The following SEMA6D variants were observed in gnomAD, a reference collection of about 807,000 sequenced individuals.
SEMA6D encodes the protein semaphorin-6D.
In SEMA6D, 35 loss-of-function variants were observed where a neutral mutation model predicts 106.6. That is an observed-to-expected ratio of 0.33 (90% CI 0.25 to 0.44). The LOEUF (loss-of-function observed/expected upper bound fraction) is 0.44, where lower values mean the gene tolerates loss of function less well. Ranked by LOEUF, SEMA6D falls within the 20% of genes least tolerant of loss-of-function variation. The probability of loss-of-function intolerance (pLI) is 1.00; values close to 1 mark genes in which losing one functional copy is unlikely to be tolerated. For synonymous variants in SEMA6D, 499 were observed against 487.7 expected (o/e 1.02, Z -0.31); for missense variants, 1,185 against 1,345.9 (o/e 0.88, Z 1.87).
chr15:47,269,409 G>C lies in SEMA6D; in HGVS notation c.-239+84991G>C, dbSNP rs2034460686. Among the ~76,000 whole-genome samples, 3 of 151,012 alleles carry C rather than the reference G, an allele frequency of 2.0e-5. No individual in the cohort carries two copies. The South Asian group carries it at 6.3e-4, about 32-fold the overall frequency. Reference sequence around the variant, plus strand: ...GTTAAAAAATATAGCTCAATGTAAGGTAAAGCAGCTAAACATACTGATTTT... The same window carrying C: ...GTTAAAAAATATAGCTCAATGTAAGCTAAAGCAGCTAAACATACTGATTTT... On this transcript the variant is annotated intron_variant, in intron 1 of 19. Transcript: ENST00000558014.
chr15:47,324,877 G>T (rs2037064802), intron 1 of SEMA6D, among the ~76,000 whole-genome samples: 1 of 151,878 alleles, frequency 6.6e-6, no homozygotes, highest in Non-Finnish European at 1.5e-5. Flanking sequence ...GGACTATATT[G>T]TGAACATCCT....
chr15:47,519,670 C>A (rs1042686713), intron 3 of SEMA6D, among the ~76,000 whole-genome samples: 3 of 152,180 alleles, frequency 2.0e-5, no homozygotes, highest in African/African-American at 7.2e-5. Flanking sequence ...CGGGTCACAT[C>A]CCCTCCCTAA....
chr15:47,681,915 A>C (rs1381077039), intron 4 of SEMA6D, among the ~76,000 whole-genome samples: 1 of 152,232 alleles, frequency 6.6e-6, no homozygotes, highest in Non-Finnish European at 1.5e-5. Flanking sequence ...ATCAGTAATA[A>C]AAATATTTGA....
At chr15:47,307,274 C>T (rs1039620261) in intron 1 of SEMA6D, among the ~76,000 whole-genome samples, 2 of 152,182 alleles carry the variant, frequency 1.3e-5, no homozygotes, top group African/African-American at 4.8e-5. Flanking sequence ...AGTTTATTAA[C>T]TGCAAATTTA....
chr15:47,472,648 A>G (rs11855468), intron 3 of SEMA6D, among the ~76,000 whole-genome samples: 5,154 of 152,274 alleles, frequency 0.034, 130 homozygotes, highest in Non-Finnish European at 0.047. Context: ...GAAGAAATCA[A>G]TAACATATTA....
chr15:47,692,351 C>T (rs1056111670), intron 4 of SEMA6D, among the ~76,000 whole-genome samples: 3 of 152,066 alleles, frequency 2.0e-5, no homozygotes, highest in African/African-American at 4.8e-5. Context: ...GTGAACATAT[C>T]AGAATATTAA....
chr15:47,437,432 A>AG (rs1398452725), intron 2 of SEMA6D, among the ~76,000 whole-genome samples: 6 of 152,132 alleles, frequency 3.9e-5, no homozygotes, highest in African/African-American at 1.4e-4. Flanking sequence ...CATGTCAGAA[A>AG]AGTTTTTGAA....
chr15:47,272,003 T>G (rs2034581668), intron 1 of SEMA6D, among the ~76,000 whole-genome samples: 1 of 152,200 alleles, frequency 6.6e-6, no homozygotes, highest in Admixed American at 6.5e-5. Flanking sequence ...TTTCAAGGCT[T>G]ACATCAAGTT....
chr15:47,597,427 A>G (rs1413990317), intron 3 of SEMA6D, among the ~76,000 whole-genome samples: 1 of 152,112 alleles, frequency 6.6e-6, no homozygotes, highest in Non-Finnish European at 1.5e-5. Context: ...TATCTTCATT[A>G]CAGCATTATT....
At chr15:47,663,811 A>G (rs2077974631) in intron 4 of SEMA6D, among the ~76,000 whole-genome samples, 2 of 152,224 alleles carry the variant, frequency 1.3e-5, no homozygotes, top group South Asian at 2.1e-4. Flanking sequence ...ATCCAGGCAC[A>G]TGGATGTGGT....
intron 4 of SEMA6D, among the ~76,000 whole-genome samples, chr15:47,616,137 T>G (rs969927961): frequency 6.6e-6 from 1 of 152,114 alleles, no homozygotes; most frequent in Non-Finnish European, 1.5e-5. Flanking sequence ...TGTTATATAC[T>G]CAAGTGTCTA....
rs142768604 is a variant in SEMA6D, at chr15:47,441,091, T to C, written c.-159+28619T>C. 2.5e-3 allele frequency among the ~76,000 whole-genome samples: 374 copies of C among 152,188 alleles called. 3 individuals are homozygous for C. Among genetic ancestry groups the C allele is most frequent in the African/African-American group, 8.8e-3 (365 of 41,550 alleles). On this transcript the variant is annotated intron_variant, in intron 2 of 19. Coordinates refer to the SEMA6D transcript ENST00000558014. ...ATTGTGAGGTTAATCTTAAATCGTG[T>C]CCTTAAACACTCACTTTGCATACTA...
chr15:47,193,521 C>T (rs1174954822), intron 1 of SEMA6D, among the ~76,000 whole-genome samples: 3 of 152,066 alleles, frequency 2.0e-5, no homozygotes, highest in African/African-American at 4.8e-5. Context: ...TTGTCAAGGC[C>T]GAAATTGGAT....
chr15:47,747,825 G>T (rs971143223), intron 1 of SEMA6D, among the ~76,000 whole-genome samples: 1 of 152,206 alleles, frequency 6.6e-6, no homozygotes, highest in Non-Finnish European at 1.5e-5. Flanking sequence ...AAGGCCATTG[G>T]CCAAAGAAAA....
In SEMA6D at chr15:47,301,068, G is replaced by A. The variant is rs868711924; in HGVS notation, c.-238-111325G>A. On this transcript the variant is annotated intron_variant, in intron 1 of 19. Transcript: ENST00000558014. Reference sequence around the variant, plus strand: ...GACTGTGGGTATAGAATGTGGCTGGGGCTGCATGAAAAGAAAAGTTATTGG... The same window carrying A: ...GACTGTGGGTATAGAATGTGGCTGGAGCTGCATGAAAAGAAAAGTTATTGG... Among the ~76,000 whole-genome samples the A allele has an allele frequency of 6.8e-4, 103 of 152,310 alleles. 1 individual carries two copies. The highest frequency in any genetic ancestry group is 2.3e-3 in the African/African-American group (95 of 41,554).
intron 18 of SEMA6D, 34 bp from the exon 19 acceptor site, chr15:47,770,463 A>C (rs746793629): frequency 6.6e-7 from 1 of 1,505,362 alleles, no homozygotes; most frequent in Non-Finnish European, 8.9e-7. Context: ...TTTAAAAAGC[A>C]CCTTATTCAC....
rs1165783055 is a variant in SEMA6D at position 47,370,731 on chromosome 15, G to A, written c.-238-41662G>A. The stretch of plus-strand genomic sequence containing the variant: ...AAAAATTTGATGGGTGTGGCAGCAC[G>A]CGCCAGTAGTCCCAGCTACTCATAA... On this transcript the variant is annotated intron_variant, in intron 1 of 19. Coordinates refer to the SEMA6D transcript ENST00000558014. Among the ~76,000 whole-genome samples, 3 of 146,704 alleles carry A rather than the reference G, an allele frequency of 2.0e-5. No homozygotes were observed. In the South Asian group the frequency reaches 6.7e-4, roughly 33 times the overall value.
intron 3 of SEMA6D, among the ~76,000 whole-genome samples, chr15:47,481,948 GA>G (rs769740557): frequency 9.2e-5 from 14 of 152,158 alleles, no homozygotes; most frequent in Non-Finnish European, 1.9e-4. Context: ...CGAGAGATGA[GA>G]GAAGTATTTG....
intron 3 of SEMA6D, among the ~76,000 whole-genome samples, chr15:47,560,162 C>T (rs1030558670): frequency 6.6e-6 from 1 of 151,520 alleles, no homozygotes; most frequent in Non-Finnish European, 1.5e-5. Context: ...TGTATTCAAC[C>T]AAAAGTTCCA....
Sources: allele counts gnomAD v4.1 joint callset (sites outside exome capture counted in the v4.1 genomes callset), GRCh38; gene constraint gnomAD v4.1.1; transcripts MANE v1.5; gene names NCBI Gene and HGNC (gene_info 2026-07-23, HGNC 2026-07-21).